ARHGAP10: variants seen among roughly 807,000 people sequenced by gnomAD.
ARHGAP10 encodes Rho GTPase activating protein 10, also known as rho GTPase-activating protein 10.
Under a neutral mutation model 108.6 loss-of-function variants are expected in ARHGAP10, and 87 were observed. That is an observed-to-expected ratio of 0.80 (90% CI 0.67 to 0.96). The LOEUF (loss-of-function observed/expected upper bound fraction) is 0.96. Among genes scored for constraint, ARHGAP10 ranks in the 40% least tolerant of loss-of-function variants. The pLI is 0.00. For synonymous variants in ARHGAP10, 347 were observed against 341.1 expected, an observed-to-expected ratio of 1.02 and a Z score of -0.19; for missense variants, 939 against 954.5, an observed-to-expected ratio of 0.98 and a Z score of 0.21.
At chr4:147,771,617 T>C (rs909705886) in intron 1 of ARHGAP10, among the ~76,000 whole-genome samples, 1 of 152,196 alleles carries the variant, frequency 6.6e-6, no homozygotes, top group African/African-American at 2.4e-5. Context: ...GCATGTGAGC[T>C]TAGTGCATGC....
intron 3 of ARHGAP10, among the ~76,000 whole-genome samples, chr4:147,828,381 T>A (rs1287650248): frequency 1.3e-5 from 2 of 152,222 alleles, no homozygotes; most frequent in Admixed American, 1.3e-4. Context: ...GTTATATAAG[T>A]TCATACGCCT....
intron 20 of ARHGAP10, among the ~76,000 whole-genome samples, chr4:148,052,272 C>T (rs35131588): frequency 0.14 from 20,924 of 150,432 alleles, 1,670 homozygotes; most frequent in South Asian, 0.21. Flanking sequence ...GCTTCCTCAA[C>T]CCCAGCACTC....
chr4:148,067,449 A>G (rs574366971), intron 22 of ARHGAP10, among the ~76,000 whole-genome samples: 6 of 152,328 alleles, frequency 3.9e-5, no homozygotes, highest in South Asian at 2.1e-4. Context: ...CTGGCAGGTC[A>G]TCTGACCACG....
intron 19 of ARHGAP10, among the ~76,000 whole-genome samples, chr4:148,035,096 A>G (rs530550235): frequency 2.5e-4 from 38 of 152,282 alleles, no homozygotes; most frequent in Non-Finnish European, 5.1e-4. Flanking sequence ...GATGCCTATT[A>G]GCTGTTGCTA....
intron 1 of ARHGAP10, among the ~76,000 whole-genome samples, chr4:147,817,611 C>T (rs968455764): frequency 6.6e-6 from 1 of 152,176 alleles, no homozygotes; most frequent in Non-Finnish European, 1.5e-5. Flanking sequence ...CAAACTGCTC[C>T]TAACCCTGGG....
In ARHGAP10 at chr4:147,738,619, G is replaced by A. The variant is rs1490442358; in HGVS notation, c.154+6164G>A. On this transcript the variant is annotated intron_variant, in intron 1 of 22. Coordinates refer to ENST00000336498, the MANE Select transcript of ARHGAP10 (RefSeq NM_024605.4). ...TTAAAAGTAGGATTTGTTAATACAT[G>A]TAAAGCATTTAGTATAAGTGCTCAA... is the stretch of plus-strand genomic sequence containing the variant. 2.6e-5 allele frequency among the ~76,000 whole-genome samples: 4 copies of A among 152,116 alleles called. No homozygotes were observed. The East Asian group carries it at 7.7e-4, about 29-fold the overall frequency.
intron 17 of ARHGAP10, 26 bp from the exon 18 acceptor site, chr4:147,966,654 G>C: frequency 6.6e-7 from 1 of 1,524,762 alleles, no homozygotes; most frequent in Middle Eastern, 1.8e-4. Flanking sequence ...TGGTTAAACA[G>C]ATTCCTCCCC....
intron 1 of ARHGAP10, among the ~76,000 whole-genome samples, chr4:147,815,277 G>T (rs191106972): frequency 1.3e-5 from 2 of 152,288 alleles, no homozygotes; most frequent in Non-Finnish European, 2.9e-5. Context: ...CTCTTCTGTT[G>T]TAGTGATAGT....
At chr4:147,777,555 G>A (rs1261764207) in intron 1 of ARHGAP10, among the ~76,000 whole-genome samples, 1 of 152,010 alleles carries the variant, frequency 6.6e-6, no homozygotes, top group African/African-American at 2.4e-5. Flanking sequence ...ACACCTGGCC[G>A]GGTAGGGTGT....
At position 147,879,258 on chromosome 4, in the gene ARHGAP10, G is replaced by A. The variant is rs749982137; in HGVS notation, c.859G>A (p.Val287Ile). 1.9e-6 allele frequency: 3 copies of A among 1,613,978 alleles called. No individual in the cohort carries two copies. Among genetic ancestry groups the A allele is most frequent in the African/African-American group, 1.3e-5 (1 of 75,044 alleles). Residue 287 changes from valine (V) to isoleucine (I), a missense_variant, in exon 9 of 23, where the codon GTC becomes ATC. By Grantham distance (29) the Val-to-Ile change is conservative. Transcript: ENST00000336498. The part of the protein sequence containing the change: ...KRPAPFGSSW[V>I]KHYCMYRKAA... ...GCCTGCTCCGTTTGGTTCCAGTTGG[G>A]TCAAACACTATTGCATGTATCGAAA...
chr4:147,898,836 T>A (rs1229425732), intron 10 of ARHGAP10, among the ~76,000 whole-genome samples: 1 of 131,574 alleles, frequency 7.6e-6, no homozygotes, highest in African/African-American at 2.8e-5. Flanking sequence ...TGGGGTGGGG[T>A]GGGATGGGTT....
At chr4:148,011,391 C>T (rs574217875) in intron 18 of ARHGAP10, among the ~76,000 whole-genome samples, 21 of 152,324 alleles carry the variant, frequency 1.4e-4, no homozygotes, top group Non-Finnish European at 2.2e-4. Context: ...TCTGCACTCA[C>T]ATCTGGTGCC....
At chr4:147,812,647 A>T (rs1195747365) in intron 1 of ARHGAP10, among the ~76,000 whole-genome samples, 1 of 152,182 alleles carries the variant, frequency 6.6e-6, no homozygotes, top group African/African-American at 2.4e-5. Context: ...TATTTTGATT[A>T]TTCACATACA....
intron 1 of ARHGAP10, among the ~76,000 whole-genome samples, chr4:147,796,674 T>C (rs1048622533): frequency 3.3e-4 from 50 of 152,150 alleles, no homozygotes; most frequent in African/African-American, 1.1e-3. Context: ...CACAGGCGCC[T>C]GCCACCATGC....
chr4:148,043,712 T>C (rs1728745182), intron 19 of ARHGAP10, among the ~76,000 whole-genome samples: 1 of 133,548 alleles, frequency 7.5e-6, no homozygotes, highest in Non-Finnish European at 1.6e-5. Context: ...GAAAAATGTA[T>C]ATGCATTTTT....
At chr4:148,044,143 C>T (rs1728773009) in intron 19 of ARHGAP10, among the ~76,000 whole-genome samples, 1 of 151,752 alleles carries the variant, frequency 6.6e-6, no homozygotes, top group Non-Finnish European at 1.5e-5. Context: ...GAAGAGAGAA[C>T]TCTCTTAATA....
chr4:147,850,226 A>C (rs779155709), intron 4 of ARHGAP10, among the ~76,000 whole-genome samples: 16 of 152,230 alleles, frequency 1.1e-4, no homozygotes, highest in Non-Finnish European at 2.1e-4. Context: ...GCACTCTGTA[A>C]AATGGATTAA....
intron 1 of ARHGAP10, among the ~76,000 whole-genome samples, chr4:147,779,279 C>G (rs1730429463): frequency 6.6e-6 from 1 of 152,126 alleles, no homozygotes; most frequent in Admixed American, 6.5e-5. Context: ...CACCCACCTC[C>G]AGGGACCACT....
chr4:147,904,239 A>T (rs1305758581), intron 10 of ARHGAP10, among the ~76,000 whole-genome samples: 1 of 151,420 alleles, frequency 6.6e-6, no homozygotes, highest in African/African-American at 2.4e-5. Context: ...TCTTTATTTT[A>T]TTATTATTAT....
Sources: gnomAD v4.1 joint callset for allele counts (sites outside exome capture counted in the v4.1 genomes callset) on GRCh38, gnomAD v4.1.1 for gene constraint, MANE v1.5 for transcripts, NCBI Gene and HGNC (gene_info 2026-07-23, HGNC 2026-07-21) for gene names.